IARS2: variants seen among roughly 807,000 people sequenced by gnomAD.
IARS2 encodes isoleucyl-tRNA synthetase 2, mitochondrial, also known as isoleucine--tRNA ligase, mitochondrial.
Under a neutral mutation model 126.3 loss-of-function variants are expected in IARS2, and 56 were observed. The observed-to-expected ratio is 0.44, with a 90% CI of 0.36 to 0.55. IARS2 has a LOEUF of 0.55. IARS2 is among the 20% of genes least tolerant of loss of function. The pLI is 0.00. For missense variants in IARS2, 1,127 were observed against 1,245.9 expected, an observed-to-expected ratio of 0.90 and a Z score of 1.44; for synonymous variants, 407 against 441.1, an observed-to-expected ratio of 0.92 and a Z score of 0.97.
At chr1:220,118,972 T>C (rs987369885) in intron 12 of IARS2, among the ~76,000 whole-genome samples, 1 of 152,166 alleles carries the variant, frequency 6.6e-6, no homozygotes, top group Admixed American at 6.5e-5. Flanking sequence ...ATGTGAAACA[T>C]TTAGCCTCTT....
intron 15 of IARS2, 39 bp downstream of exon 15, chr1:220,134,549 C>T: frequency 1.5e-6 from 2 of 1,305,436 alleles, no homozygotes; most frequent in East Asian, 4.6e-5. Flanking sequence ...TGAGTACCTG[C>T]CAGTGTGTGA....
rs765407984 is a variant in IARS2 at position 220,094,405 on chromosome 1, G to A, written c.189G>A (p.Thr63=). ...PNSNSGRYRD[T]VLLPQTSFPM... is the part of the protein sequence containing the mutation. The stretch of plus-strand genomic sequence containing the variant: ...CGAATAGTGGCAGATACCGGGACAC[G>A]GTGCTGCTGCCGCAGACGAGCTTCC... The change falls in exon 1 of 23, where the codon ACG becomes ACA. Residue 63 remains threonine (T), a synonymous_variant. Transcript: ENST00000366922. The A allele has an allele frequency of 1.7e-5, 28 of 1,611,642 alleles. No individual in the cohort carries two copies. Among genetic ancestry groups the A allele is most frequent in the Admixed American group, 5.0e-5 (3 of 59,956 alleles).
chr1:220,129,378 C>A (rs1197004361), intron 14 of IARS2, among the ~76,000 whole-genome samples: 3 of 136,930 alleles, frequency 2.2e-5, no homozygotes, highest in African/African-American at 8.4e-5. Flanking sequence ...CATTTTATAT[C>A]TTCTCTTCTA....
At chr1:220,121,730 C>T (rs1229962173) in intron 12 of IARS2, among the ~76,000 whole-genome samples, 2 of 152,044 alleles carry the variant, frequency 1.3e-5, no homozygotes, top group Non-Finnish European at 2.9e-5. Context: ...TAGTCATGAG[C>T]CACCGTGCCA....
At position 220,110,952 on chromosome 1, in the gene IARS2, C is replaced by G. The variant is rs766456202; in HGVS notation, c.1479+15C>G. ...CTGCAGCCAAGGTATAAAAAGCATC[C>G]TGTTTTAACAGGTCGGGCATATCAT... is the stretch of plus-strand genomic sequence containing the variant. On this transcript the variant is annotated intron_variant, in intron 11 of 22. Coordinates refer to ENST00000366922, the MANE Select transcript of IARS2 (RefSeq NM_018060.4). The G allele has an allele frequency of 1.2e-6, 2 of 1,610,436 alleles. No individual in the cohort carries two copies. Among genetic ancestry groups the G allele is most frequent in the Non-Finnish European group, 1.7e-6 (2 of 1,178,824 alleles).
At chr1:220,116,047 G>A (rs531060429) in intron 12 of IARS2, among the ~76,000 whole-genome samples, 73 of 152,198 alleles carry the variant, frequency 4.8e-4, no homozygotes, top group African/African-American at 1.8e-3. Context: ...CATCTCTACA[G>A]AAAAATTTAA....
In IARS2 at chr1:220,103,555, AC is replaced by A; in HGVS notation, c.1060del (p.Leu354PhefsTer4). The A allele has an allele frequency of 6.3e-7, 1 of 1,595,828 alleles. No homozygotes were observed. The highest frequency in any genetic ancestry group is 8.6e-7 in the Non-Finnish European group (1 of 1,163,666). On this transcript the variant is annotated frameshift_variant, in exon 8 of 23. Transcript: ENST00000366922. LOFTEE classifies it high-confidence loss of function. ...LETTFETIST[L>X]SGVDLENGTC... ...AAACAACATTTGAGACTATTTCAAC[AC>A]TTTCAGGTGAAGATTTTTAGATATC...
chr1:220,132,726 A>G (rs1657294831), intron 14 of IARS2, among the ~76,000 whole-genome samples: 1 of 151,660 alleles, frequency 6.6e-6, no homozygotes, highest in African/African-American at 2.4e-5. Flanking sequence ...GGGTTTCACC[A>G]TCTTGGCCAG....
chr1:220,094,458 C>G lies in IARS2; in HGVS notation c.242C>G (p.Pro81Arg). 2 of 1,609,852 alleles carry G rather than the reference C, an allele frequency of 1.2e-6. No homozygotes were observed. Among genetic ancestry groups the G allele is most frequent in the Non-Finnish European group, 1.7e-6 (2 of 1,178,472 alleles). ...ATGAAGCTGCTGGGCCGCCAGCAGC[C>G]GGACACGGAGCTGGAGATCCAGCAG... The part of the protein sequence containing the change: ...FPMKLLGRQQ[P>R]DTELEIQQKC... Residue 81 changes from proline (P) to arginine (R), a missense_variant, in exon 1 of 23, where the codon CCG becomes CGG. Pro to Arg is a moderately radical substitution (Grantham distance 103, BLOSUM62 -2). Coordinates refer to ENST00000366922, the MANE Select transcript of IARS2 (RefSeq NM_018060.4).
At chr1:220,115,441 A>G (rs951412709) in intron 12 of IARS2, among the ~76,000 whole-genome samples, 3 of 150,716 alleles carry the variant, frequency 2.0e-5, no homozygotes, top group African/African-American at 4.8e-5. Context: ...CGGGCCTGTA[A>G]TCTCAGCTAC....
At chr1:220,123,133 A>G (rs1333856356) in intron 12 of IARS2, among the ~76,000 whole-genome samples, 1 of 149,330 alleles carries the variant, frequency 6.7e-6, no homozygotes, top group East Asian at 2.0e-4. Context: ...AGATTTTTCT[A>G]TTATACCATA....
At chr1:220,144,371 GT>G in intron 21 of IARS2, 2 of 637,132 alleles carry the variant, frequency 3.1e-6, no homozygotes, top group Non-Finnish European at 5.6e-6. Flanking sequence ...CAGAAAGACG[GT>G]GGAAGAGCTA....
At chr1:220,142,857 C>T in intron 20 of IARS2, 87 bp from the exon 21 acceptor site, 4 of 818,316 alleles carry the variant, frequency 4.9e-6, no homozygotes, top group East Asian at 2.6e-5. Flanking sequence ...TTCTTATTTC[C>T]CATTAATGGT....
intron 15 of IARS2, 58 bp from the exon 16 acceptor site, chr1:220,136,751 C>G: frequency 1.1e-6 from 1 of 885,632 alleles, no homozygotes; most frequent in Non-Finnish European, 1.8e-6. Context: ...TGTACCTAAT[C>G]TTCAAAAAGA....
At chr1:220,126,930 T>G in intron 14 of IARS2, 87 bp downstream of exon 14, 1 of 900,152 alleles carries the variant, frequency 1.1e-6, no homozygotes, top group South Asian at 1.6e-5. Flanking sequence ...TCAAACTCTT[T>G]TTCTGTGTGT....
chr1:220,136,997 T>C, intron 16 of IARS2, 86 bp downstream of exon 16: 1 of 692,584 alleles, frequency 1.4e-6, no homozygotes, highest in South Asian at 2.0e-5. Flanking sequence ...TACTTCAATG[T>C]AAAAATAAAA....
chr1:220,144,087 T>C (rs1234599360), intron 21 of IARS2: 13 of 1,059,806 alleles, frequency 1.2e-5, no homozygotes, highest in Non-Finnish European at 1.9e-5. Flanking sequence ...TATTTTGCCA[T>C]TTTTCTAGAT....
In IARS2 at chr1:220,147,707, A is replaced by G; in HGVS notation, c.*72A>G. ...GAAGTTTGGATGGATTATTTACAAT[A>G]TAGGAAAGAAAGCCAAGATTTAGGT... On this transcript the variant is annotated 3_prime_UTR_variant, in exon 23 of 23. Coordinates refer to ENST00000366922, the MANE Select transcript of IARS2 (RefSeq NM_018060.4). 6.6e-7 allele frequency: 1 copy of G among 1,521,582 alleles called. No homozygotes were observed. The highest frequency in any genetic ancestry group is 8.9e-7 in the Non-Finnish European group (1 of 1,118,162). The allele number at this position is 1,521,582 out of a possible 1,614,324, so 94.3% of individuals were successfully genotyped here.
In IARS2 at chr1:220,094,197, C is replaced by A; in HGVS notation, c.-20C>A. The A allele has an allele frequency of 6.5e-7, 1 of 1,539,240 alleles. No homozygotes were observed. The highest frequency in any genetic ancestry group is 8.7e-7 in the Non-Finnish European group (1 of 1,146,934). On this transcript the variant is annotated 5_prime_UTR_variant, in exon 1 of 23. Transcript: ENST00000366922. ...GCTGGGGCGGGAGCGGAGGACCCCG[C>A]TCTCAGGGGTTGCCGGACCATGCGT...
Sources: gnomAD v4.1 joint callset for allele counts (sites outside exome capture counted in the v4.1 genomes callset) on GRCh38, gnomAD v4.1.1 for gene constraint, MANE v1.5 for transcripts, NCBI Gene and HGNC (gene_info 2026-07-23, HGNC 2026-07-21) for gene names.